Variants in KDM6A observed in about 807,000 individuals in gnomAD.
The protein encoded by KDM6A is lysine demethylase 6A.
A neutral mutation model predicts 117.6 loss-of-function variants in KDM6A; 11 were observed. The observed-to-expected ratio is 0.09, with a 90% CI of 0.06 to 0.15. KDM6A has a LOEUF of 0.15. Among genes scored for constraint, KDM6A ranks in the 10% least tolerant of loss-of-function variants. The pLI is 1.00. For missense variants in KDM6A, 799 were observed against 1,077.3 expected (o/e 0.74, Z 3.62); for synonymous variants, 384 against 396.1 (o/e 0.97, Z 0.36).
At chrX:45,100,024 ACT>A (rs1322154339) in intron 27 of KDM6A, among the ~76,000 whole-genome samples, 1 of 105,764 alleles carries the variant, frequency 9.5e-6, no homozygotes, top group African/African-American at 3.5e-5. Flanking sequence ...ACGGAGCAAG[ACT>A]CTGTCTCAAA....
At chrX:44,928,187 G>A (rs1175201626) in intron 2 of KDM6A, among the ~76,000 whole-genome samples, 2 of 112,321 alleles carry the variant, frequency 1.8e-5, no homozygotes, top group African/African-American at 6.5e-5. Flanking sequence ...TAACAGTATA[G>A]TCAATGTTAA....
At chrX:45,006,882 G>C (rs906422329) in intron 4 of KDM6A, among the ~76,000 whole-genome samples, 7 of 107,761 alleles carry the variant, frequency 6.5e-5, no homozygotes, top group Admixed American at 3.0e-4. Flanking sequence ...AGTGAGCCGA[G>C]ATCACACCAT....
intron 4 of KDM6A, among the ~76,000 whole-genome samples, chrX:45,002,733 C>T (rs112058354): frequency 1.8e-5 from 2 of 110,722 alleles, no homozygotes; most frequent in Non-Finnish European, 3.8e-5. Context: ...CTTTCACAGA[C>T]AATTCTTTGA....
chrX:44,952,271 C>CTT lies in KDM6A; in HGVS notation c.226-8997_226-8996dup, dbSNP rs35385542. Among the ~76,000 whole-genome samples the CTT allele has an allele frequency of 2.0e-3, 176 of 89,903 alleles. 1 individual carries two copies. Among genetic ancestry groups the CTT allele is most frequent in the African/African-American group, 6.8e-3 (152 of 22,221 alleles). 78.1% of individuals were successfully genotyped at this position (89,903 alleles called of 115,157 possible). A position where few individuals can be genotyped will look rare whatever the true frequency, so the allele number is the denominator to read the frequency against. ...GGCATCTAACTTTCATTCTACTGAC[C>CTT]TTTTTTTTTTTTTTTTTGAGACGTA... On this transcript the variant is annotated intron_variant, in intron 2 of 29. Transcript: ENST00000611820.
intron 2 of KDM6A, among the ~76,000 whole-genome samples, chrX:44,878,857 G>C (rs1232066416): frequency 2.7e-5 from 3 of 110,403 alleles, no homozygotes; most frequent in African/African-American, 9.9e-5. Flanking sequence ...GCGTAGCTGG[G>C]ATTACAGGTG....
At chrX:44,937,086 G>A (rs1313429704) in intron 2 of KDM6A, among the ~76,000 whole-genome samples, 1 of 110,660 alleles carries the variant, frequency 9.0e-6, no homozygotes. Context: ...CTAGGCCCTG[G>A]GAGTAGCAGT....
intron 2 of KDM6A, among the ~76,000 whole-genome samples, chrX:44,959,577 T>TA (rs1172369862): frequency 1.8e-5 from 2 of 110,389 alleles, no homozygotes; most frequent in Non-Finnish European, 3.8e-5. Flanking sequence ...CTAAGAGTTT[T>TA]AAAAAAAATA....
At chrX:44,905,264 A>G (rs187954675) in intron 2 of KDM6A, among the ~76,000 whole-genome samples, 15 of 112,375 alleles carry the variant, frequency 1.3e-4, no homozygotes, top group Middle Eastern at 4.6e-3. Context: ...TATTTTGGTC[A>G]ATGATGGTAA....
intron 8 of KDM6A, among the ~76,000 whole-genome samples, chrX:45,045,485 CT>C (rs1446296409): frequency 9.4e-6 from 1 of 106,627 alleles, no homozygotes; most frequent in African/African-American, 3.4e-5. Context: ...ACTCGGGAGA[CT>C]GAGGCAGGAG....
intron 2 of KDM6A, among the ~76,000 whole-genome samples, chrX:44,944,262 G>C (rs920235003): frequency 9.0e-6 from 1 of 111,369 alleles, no homozygotes; most frequent in African/African-American, 3.3e-5. Context: ...CGAGGCTGGA[G>C]AATTGGTTGA....
At chrX:44,900,793 C>T (rs1043481653) in intron 2 of KDM6A, among the ~76,000 whole-genome samples, 2 of 111,068 alleles carry the variant, frequency 1.8e-5, no homozygotes, top group Non-Finnish European at 3.8e-5. Context: ...GCTACTCGGG[C>T]GGCTGAGGCA....
At position 44,985,870 on chromosome X, in the gene KDM6A, CTTTT is replaced by C. The variant is rs753927658; in HGVS notation, c.384+11158_384+11161del. Reference sequence around the variant, plus strand: ...ATCAGGGATATTGGTCTAAAAGTCTCTTTTTTGGTTGTATCTCTGCCAGGCTTTG... The same window carrying C: ...ATCAGGGATATTGGTCTAAAAGTCTCTTGGTTGTATCTCTGCCAGGCTTTG... On this transcript the variant is annotated intron_variant, in intron 4 of 29. Coordinates refer to ENST00000611820, the MANE Select transcript of KDM6A (RefSeq NM_001291415.2). Among the ~76,000 whole-genome samples the C allele has an allele frequency of 2.3e-3, 255 of 111,506 alleles. 1 individual carries two copies. The highest frequency in any genetic ancestry group is 8.1e-3 in the African/African-American group (248 of 30,506).
chrX:45,034,959 A>G lies in KDM6A; in HGVS notation c.593A>G (p.Asn198Ser), dbSNP rs1324141100. Residue 198 changes from asparagine (N) to serine (S), a missense_variant, in exon 7 of 30, where the codon AAT (asparagine) becomes AGT (serine). Physicochemically the swap from Asn to Ser is conservative, Grantham distance 46. Around this residue, in one of 8 missense-constraint regions of KDM6A, gnomAD observed 63 missense variants for 68.2 expected, o/e 0.92. Transcript: ENST00000611820. ...KHFQLALVDC[N>S]PCTLSNAEIQ... is the part of the protein sequence containing the mutation. ...TTTCAGTTAGCTTTGGTTGACTGTA[A>G]TCCCTGCACTTTGTCCAATGCTGAA... 4 of 1,204,352 alleles carry G rather than the reference A, an allele frequency of 3.3e-6. No homozygotes were observed. In the African/African-American group the frequency reaches 7.0e-5, roughly 21 times the overall value.
chrX:45,005,420 A>G (rs990679051), intron 4 of KDM6A, among the ~76,000 whole-genome samples: 1 of 110,725 alleles, frequency 9.0e-6, no homozygotes, highest in Non-Finnish European at 1.9e-5. Flanking sequence ...TTTTTAAGGG[A>G]AAAAGGAGGG....
intron 6 of KDM6A, among the ~76,000 whole-genome samples, chrX:45,032,107 T>G (rs890111994): frequency 9.0e-6 from 1 of 111,663 alleles, no homozygotes; most frequent in Non-Finnish European, 1.9e-5. Context: ...GCCTTCAGGT[T>G]TGTATATAGT....
At chrX:45,083,089 C>A (rs746494220) in intron 23 of KDM6A, among the ~76,000 whole-genome samples, 1 of 110,077 alleles carries the variant, frequency 9.1e-6, no homozygotes, top group African/African-American at 3.3e-5. Context: ...CTGCACCCTG[C>A]CAAATTTTTT....
At chrX:45,022,933 G>T (rs943436883) in intron 6 of KDM6A, among the ~76,000 whole-genome samples, 1 of 112,193 alleles carries the variant, frequency 8.9e-6, no homozygotes, top group African/African-American at 3.2e-5. Flanking sequence ...AAGGCTGGTT[G>T]CTCTGCTTAG....
At chrX:44,921,422 T>C (rs1443519404) in intron 2 of KDM6A, among the ~76,000 whole-genome samples, 3 of 111,390 alleles carry the variant, frequency 2.7e-5, no homozygotes, top group Admixed American at 1.9e-4. Flanking sequence ...TTTTATTAGG[T>C]GTAGTTTCGT....
intron 4 of KDM6A, among the ~76,000 whole-genome samples, chrX:44,975,593 C>T (rs183824960): frequency 2.7e-5 from 3 of 111,427 alleles, no homozygotes; most frequent in African/African-American, 9.8e-5. Context: ...AAAATTATAG[C>T]TTAATTCACA....
Sources: gnomAD v4.1 joint callset for allele counts (sites outside exome capture counted in the v4.1 genomes callset) on GRCh38, gnomAD v4.1.1 for gene constraint, gnomAD v4.1.1 regional missense constraint, MANE v1.5 for transcripts, NCBI Gene and HGNC (gene_info 2026-07-23, HGNC 2026-07-21) for gene names.